Variants in FGGY observed in about 807,000 individuals in gnomAD.
The protein encoded by FGGY is FGGY carbohydrate kinase domain containing.
Under a neutral mutation model 71.3 loss-of-function variants are expected in FGGY, and 72 were observed. The ratio of observed to expected loss-of-function variants is 1.01; its 90% CI spans 0.84 to 1.23. FGGY has a LOEUF of 1.23. FGGY is among the 50% of genes most tolerant of loss of function. FGGY has a pLI of 0.00. For missense variants in FGGY, 668 were observed against 682.3 expected (o/e 0.98, Z 0.23); for synonymous variants, 251 against 250.3 (o/e 1.00, Z -0.02).
At chr1:59,589,255 C>T (rs1488903106) in intron 8 of FGGY, among the ~76,000 whole-genome samples, 3 of 152,166 alleles carry the variant, frequency 2.0e-5, no homozygotes, top group African/African-American at 7.2e-5. Context: ...AATATATATG[C>T]ACCCAATACA....
At chr1:59,645,039 AT>A (rs565044670) in intron 11 of FGGY, among the ~76,000 whole-genome samples, 140 of 151,914 alleles carry the variant, frequency 9.2e-4, no homozygotes, top group African/African-American at 3.2e-3. Context: ...TGTTTTAGGG[AT>A]TTTTTTGGTG....
intron 14 of FGGY, among the ~76,000 whole-genome samples, chr1:59,748,432 C>T (rs530605736): frequency 6.6e-6 from 1 of 152,080 alleles, no homozygotes; most frequent in Non-Finnish European, 1.5e-5. Flanking sequence ...ATGGAAAAAG[C>T]CAGACAGTCA....
chr1:59,456,574 G>A (rs540175561), intron 5 of FGGY, among the ~76,000 whole-genome samples: 6 of 151,300 alleles, frequency 4.0e-5, no homozygotes, highest in Non-Finnish European at 4.4e-5. Context: ...TCAGCCTCCC[G>A]AGTAGCTGGG....
rs144186821 is a variant in FGGY, at chr1:59,661,664, G to C, written c.1296+1371G>C. On this transcript the variant is annotated intron_variant, in intron 12 of 15. Coordinates refer to ENST00000303721, the MANE Select transcript of FGGY (RefSeq NM_018291.5). Reference sequence around the variant, plus strand: ...GTTTTATAATAATAATGATGATTATGATGATAATAATGAGTGAATTAAGAG... The same window carrying C: ...GTTTTATAATAATAATGATGATTATCATGATAATAATGAGTGAATTAAGAG... 4.4e-3 allele frequency among the ~76,000 whole-genome samples: 671 copies of C among 152,166 alleles called. 8 individuals carry two copies. The highest frequency in any genetic ancestry group is 0.015 in the African/African-American group (632 of 41,508).
intron 9 of FGGY, among the ~76,000 whole-genome samples, chr1:59,610,369 T>C (rs2096662946): frequency 6.6e-6 from 1 of 152,222 alleles, no homozygotes. Context: ...TTGCTGAGGA[T>C]GATGGCTTCC....
At chr1:59,675,900 A>G (rs2097430831) in intron 14 of FGGY, among the ~76,000 whole-genome samples, 1 of 152,168 alleles carries the variant, frequency 6.6e-6, no homozygotes, top group African/African-American at 2.4e-5. Flanking sequence ...AGATGAAATC[A>G]TGAGGGCAGG....
intron 14 of FGGY, among the ~76,000 whole-genome samples, chr1:59,751,643 T>C (rs1574026792): frequency 6.6e-6 from 1 of 152,360 alleles, no homozygotes; most frequent in East Asian, 1.9e-4. Flanking sequence ...TTAAATGATT[T>C]TGTATGTGCC....
At chr1:59,391,757 A>G (rs954667993) in intron 5 of FGGY, among the ~76,000 whole-genome samples, 1 of 152,156 alleles carries the variant, frequency 6.6e-6, no homozygotes. Context: ...CATGACTGTC[A>G]TTTTCCAACT....
At chr1:59,589,402 C>T (rs2096381142) in intron 8 of FGGY, among the ~76,000 whole-genome samples, 2 of 152,008 alleles carry the variant, frequency 1.3e-5, no homozygotes, top group South Asian at 4.2e-4. Context: ...AACAAGGATA[C>T]CCAGGAATTG....
At chr1:59,399,048 A>G (rs774803521) in intron 5 of FGGY, among the ~76,000 whole-genome samples, 1 of 152,192 alleles carries the variant, frequency 6.6e-6, no homozygotes, top group African/African-American at 2.4e-5. Context: ...AGCCTGGTCA[A>G]GTTTCCAATA....
chr1:59,611,052 G>T (rs2096671887), intron 9 of FGGY, among the ~76,000 whole-genome samples: 1 of 152,242 alleles, frequency 6.6e-6, no homozygotes, highest in African/African-American at 2.4e-5. Context: ...AGCTCAAGGA[G>T]ACCTGCCTGC....
intron 1 of FGGY, among the ~76,000 whole-genome samples, chr1:59,314,321 G>A (rs895007672): frequency 6.6e-6 from 1 of 152,174 alleles, no homozygotes; most frequent in African/African-American, 2.4e-5. Context: ...AGTGTTGGAG[G>A]TGAAGGTTGA....
intron 6 of FGGY, among the ~76,000 whole-genome samples, chr1:59,461,920 C>G (rs1373461072): frequency 6.6e-6 from 1 of 151,872 alleles, no homozygotes; most frequent in Non-Finnish European, 1.5e-5. Context: ...TGGTGTGCTG[C>G]ACCCATTAAC....
rs981295474 is a variant in FGGY at position 59,692,517 on chromosome 1, GA to G, written c.1512+18392del. Among the ~76,000 whole-genome samples the G allele has an allele frequency of 2.7e-5, 4 of 150,680 alleles. No homozygotes were observed. In the South Asian group the frequency reaches 8.4e-4, roughly 32 times the overall value. Reference sequence around the variant, plus strand: ...CAAAGCCTCTGTTTTAAGCAAAAGGGAAAAAAAATTCTCATTAACTCCAAGG... The same window carrying G: ...CAAAGCCTCTGTTTTAAGCAAAAGGGAAAAAAATTCTCATTAACTCCAAGG... On this transcript the variant is annotated intron_variant, in intron 14 of 15. Coordinates refer to ENST00000303721, the MANE Select transcript of FGGY (RefSeq NM_018291.5).
chr1:59,470,398 G>A (rs576697650), intron 6 of FGGY, among the ~76,000 whole-genome samples: 2 of 152,168 alleles, frequency 1.3e-5, no homozygotes, highest in African/African-American at 4.8e-5. Flanking sequence ...GACTTCTGAA[G>A]GGGACATTCA....
intron 1 of FGGY, among the ~76,000 whole-genome samples, chr1:59,301,774 C>T (rs2042782188): frequency 2.4e-5 from 3 of 127,646 alleles, no homozygotes; most frequent in South Asian, 4.9e-4. Context: ...AGTGAAGTGG[C>T]GTGATCTCGG....
rs7546160 is a variant in FGGY, at chr1:59,464,335, G to A, written c.670+7259G>A. On this transcript the variant is annotated intron_variant, in intron 6 of 15. Coordinates refer to ENST00000303721, the MANE Select transcript of FGGY (RefSeq NM_018291.5). The stretch of plus-strand genomic sequence containing the variant: ...AAACCAATGAGAACAAAGACACAAC[G>A]TACCAGAATCTCTGGGACACGTTTA... Among the ~76,000 whole-genome samples, 43 of 152,056 alleles carry A rather than the reference G, an allele frequency of 2.8e-4. 1 individual carries two copies. The South Asian group carries it at 8.1e-3, about 29-fold the overall frequency.
chr1:59,623,023 G>T (rs905135307), intron 9 of FGGY, among the ~76,000 whole-genome samples: 1 of 152,124 alleles, frequency 6.6e-6, no homozygotes, highest in Admixed American at 6.5e-5. Flanking sequence ...AAATAATGAT[G>T]CTCTTGCTTT....
At chr1:59,344,480 A>G (rs1439938346) in intron 3 of FGGY, among the ~76,000 whole-genome samples, 1 of 152,162 alleles carries the variant, frequency 6.6e-6, no homozygotes, top group Non-Finnish European at 1.5e-5. Context: ...CACCTCCTGC[A>G]GGTAACCATT....
Sources: gnomAD v4.1 joint callset for allele counts (sites outside exome capture counted in the v4.1 genomes callset) on GRCh38, gnomAD v4.1.1 for gene constraint, MANE v1.5 for transcripts, NCBI Gene and HGNC (gene_info 2026-07-23, HGNC 2026-07-21) for gene names.